STON1: variants seen among roughly 807,000 people sequenced by gnomAD.
The protein encoded by STON1 is stonin-1.
Under a neutral mutation model 60.9 loss-of-function variants are expected in STON1, and 79 were observed. The observed-to-expected ratio is 1.30, with a 90% CI of 1.08 to 1.56. The LOEUF is 1.56. STON1 is among the 40% of genes most tolerant of loss of function. The pLI is 0.00. For missense variants in STON1, 1,166 were observed against 858.9 expected (o/e 1.36, Z -4.47); for synonymous variants, 363 against 306.9 (o/e 1.18, Z -1.91).
chr2:48,555,417 C>T (rs1672299530), intron 1 of STON1, among the ~76,000 whole-genome samples: 1 of 69,524 alleles, frequency 1.4e-5, no homozygotes, highest in African/African-American at 5.3e-5. Context: ...CGCCCCTCAC[C>T]TACCGGACGG....
intron 1 of STON1, among the ~76,000 whole-genome samples, chr2:48,575,433 C>G (rs554549994): frequency 1.3e-5 from 2 of 152,168 alleles, no homozygotes; most frequent in Admixed American, 1.3e-4. Flanking sequence ...GAGGGTGGAT[C>G]ACCTGAGGTC....
intron 2 of STON1, among the ~76,000 whole-genome samples, chr2:48,584,324 A>T (rs1441856392): frequency 6.6e-6 from 1 of 151,790 alleles, no homozygotes; most frequent in Non-Finnish European, 1.5e-5. Flanking sequence ...CTCAGGCTGG[A>T]GTGCAGTGCG....
At chr2:48,588,512 G>C (rs1050670720) in intron 2 of STON1, among the ~76,000 whole-genome samples, 2 of 152,010 alleles carry the variant, frequency 1.3e-5, no homozygotes, top group African/African-American at 4.8e-5. Context: ...ATCACACCTG[G>C]TTAATTTTTT....
At chr2:48,566,646 A>C (rs1672956860) in intron 1 of STON1, among the ~76,000 whole-genome samples, 1 of 152,184 alleles carries the variant, frequency 6.6e-6, no homozygotes, top group Non-Finnish European at 1.5e-5. Context: ...AAATTACAAA[A>C]AGTGGGAAGG....
intron 1 of STON1, among the ~76,000 whole-genome samples, chr2:48,570,521 C>T (rs550061382): frequency 6.6e-6 from 1 of 152,176 alleles, no homozygotes; most frequent in East Asian, 1.9e-4. Context: ...GTGCTAAATT[C>T]TGGGTACATC....
chr2:48,596,539 T>G lies in STON1; in HGVS notation c.*1237T>G, dbSNP rs1257990679. The stretch of plus-strand genomic sequence containing the variant: ...CTCCCCCATGTGGTATTAATATACC[T>G]TCAATTTATGTTGAGTCTTAAACAT... On this transcript the variant is annotated 3_prime_UTR_variant, in exon 4 of 4. Coordinates refer to ENST00000404752, the MANE Select transcript of STON1 (RefSeq NM_006873.4). 3.9e-5 allele frequency: 6 copies of G among 152,222 alleles called. No individual in the cohort carries two copies. The highest frequency in any genetic ancestry group is 7.4e-5 in the Non-Finnish European group (5 of 68,026). The allele number at this position is 152,222 out of a possible 1,614,324, so 9.4% of individuals were successfully genotyped here.
chr2:48,591,455 C>T (rs970423423), intron 2 of STON1, among the ~76,000 whole-genome samples, 198 bp from the exon 3 acceptor site: 3 of 151,930 alleles, frequency 2.0e-5, no homozygotes, highest in Admixed American at 2.0e-4. Context: ...AAAGCTAGTA[C>T]TTAAAAATGG....
In STON1 at chr2:48,591,817, C is replaced by T; in HGVS notation, c.2095C>T (p.Gln699Ter). ...SLGVESDVQP[Q>*]KHVQQRACYN... ...GGGAGTGGAGAGTGATGTCCAGCCA[C>T]AGAAACATGTTCAGCAGCGAGCTTG... The change falls in exon 3 of 4, where the codon CAG becomes TAG. Residue 699 changes from glutamine to a stop codon, truncating the protein, a stop_gained. Coordinates refer to ENST00000404752, the MANE Select transcript of STON1 (RefSeq NM_006873.4). LOFTEE classifies it high-confidence loss of function. 6.2e-7 allele frequency: 1 copy of T among 1,614,174 alleles called. No homozygotes were observed. The highest frequency in any genetic ancestry group is 8.5e-7 in the Non-Finnish European group (1 of 1,180,032).
At chr2:48,569,352 A>G (rs1381114297) in intron 1 of STON1, among the ~76,000 whole-genome samples, 1 of 152,242 alleles carries the variant, frequency 6.6e-6, no homozygotes, top group Non-Finnish European at 1.5e-5. Flanking sequence ...AAATGAAAAG[A>G]CCATTTAAAA....
chr2:48,571,493 C>G (rs1025462479), intron 1 of STON1, among the ~76,000 whole-genome samples: 1 of 152,160 alleles, frequency 6.6e-6, no homozygotes, highest in Non-Finnish European at 1.5e-5. Flanking sequence ...TAGACCAACC[C>G]TACTTGTAAT....
intron 1 of STON1, among the ~76,000 whole-genome samples, chr2:48,576,217 G>A (rs1432482398): frequency 2.4e-5 from 2 of 82,628 alleles, no homozygotes; most frequent in South Asian, 9.2e-4. Flanking sequence ...TTTTGAGACA[G>A]AGTCTCACTG....
At chr2:48,532,199 C>T (rs1362240644) in intron 1 of STON1, among the ~76,000 whole-genome samples, 2 of 151,778 alleles carry the variant, frequency 1.3e-5, no homozygotes, top group African/African-American at 4.8e-5. Context: ...AATACAAAAG[C>T]TAGCTGGGCC....
Position 48,582,332 on chromosome 2 carries a change from A to G in STON1, c.1699A>G (p.Asn567Asp), listed in dbSNP as rs1673939683. 1 of 1,614,120 alleles carries G rather than the reference A, an allele frequency of 6.2e-7. No homozygotes were observed. The highest frequency in any genetic ancestry group is 8.5e-7 in the Non-Finnish European group (1 of 1,180,052). The change falls in exon 2 of 4, where the codon AAT (asparagine) becomes GAT (aspartate). Residue 567 changes from asparagine to aspartate, a missense_variant. Physicochemically the swap from Asn to Asp is conservative, Grantham distance 23. Transcript: ENST00000404752. ...TGCTGGTTCCTTAAGGTCCTGTGAC[A>G]ATATAAGGATACACTTTCCTGTCCC... ...SYAGSLRSCD[N>D]IRIHFPVPSQ...
Position 48,581,729 on chromosome 2 carries a change from G to A in STON1, c.1096G>A (p.Val366Ile), listed in dbSNP as rs775367929. Reference sequence around the variant, plus strand: ...AAGGAAATACCATTCTAAGACAGAAGTAGTTCATGAACCTGACATAGAGCA... The same window carrying A: ...AAGGAAATACCATTCTAAGACAGAAATAGTTCATGAACCTGACATAGAGCA... Reference protein sequence around the residue: ...EKRKYHSKTEVVHEPDIEQML... With the variant: ...EKRKYHSKTEIVHEPDIEQML... Residue 366 changes from valine (V) to isoleucine (I), a missense_variant, in exon 2 of 4, where the codon GTA (valine) becomes ATA (isoleucine). By Grantham distance (29) the Val-to-Ile change is conservative. Coordinates refer to ENST00000404752, the MANE Select transcript of STON1 (RefSeq NM_006873.4). 1 of 1,611,586 alleles carries A rather than the reference G, an allele frequency of 6.2e-7. No individual in the cohort carries two copies. Among genetic ancestry groups the A allele is most frequent in the Non-Finnish European group, 8.5e-7 (1 of 1,179,390 alleles).
intron 1 of STON1, among the ~76,000 whole-genome samples, chr2:48,572,626 A>G (rs1673275245): frequency 6.6e-6 from 1 of 152,240 alleles, no homozygotes; most frequent in Non-Finnish European, 1.5e-5. Context: ...TGAAGCTACA[A>G]GGAAAACTGA....
chr2:48,588,552 T>C (rs1000278408), intron 2 of STON1, among the ~76,000 whole-genome samples: 11 of 152,182 alleles, frequency 7.2e-5, no homozygotes, highest in African/African-American at 1.7e-4. Flanking sequence ...GGTTTTGCCG[T>C]GTTGCTCAGG....
At chr2:48,544,826 C>T (rs758925330) in intron 1 of STON1, among the ~76,000 whole-genome samples, 4 of 152,182 alleles carry the variant, frequency 2.6e-5, no homozygotes, top group Non-Finnish European at 5.9e-5. Flanking sequence ...GGATTACAGG[C>T]GTGAGCCACT....
rs538514918 is a variant in STON1 at position 48,570,030 on chromosome 2, G to A, written c.-47-10557G>A. On this transcript the variant is annotated intron_variant, in intron 1 of 3. Transcript: ENST00000404752. ...TTAGAGTCAATTCATGATAATCTCC[G>A]TAATACTCTTACAAGAATTCCAGGC... is the stretch of plus-strand genomic sequence containing the variant. 2.4e-4 allele frequency among the ~76,000 whole-genome samples: 37 copies of A among 152,246 alleles called. No individual in the cohort carries two copies. The South Asian group carries it at 6.6e-3, about 27-fold the overall frequency.
At chr2:48,567,197 C>T (rs984529084) in intron 1 of STON1, among the ~76,000 whole-genome samples, 1 of 152,148 alleles carries the variant, frequency 6.6e-6, no homozygotes, top group South Asian at 2.1e-4. Flanking sequence ...GAACTAAATA[C>T]CCCACATGTT....
Sources: gnomAD v4.1 joint callset for allele counts (sites outside exome capture counted in the v4.1 genomes callset) on GRCh38, gnomAD v4.1.1 for gene constraint, MANE v1.5 for transcripts, NCBI Gene and HGNC (gene_info 2026-07-23, HGNC 2026-07-21) for gene names.